Variants in FHL1 observed in about 807,000 individuals in gnomAD.
The protein encoded by FHL1 is four and a half LIM domains protein 1.
Under a neutral mutation model 20.3 loss-of-function variants are expected in FHL1, and 1 was observed. That is an observed-to-expected ratio of 0.05 (90% CI 0.02 to 0.23). The LOEUF is 0.23. Ranked by LOEUF, FHL1 falls within the 10% of genes least tolerant of loss-of-function variation. The probability of loss-of-function intolerance (pLI) is 1.00; values close to 1 mark genes in which losing one functional copy is unlikely to be tolerated. For synonymous variants in FHL1, 82 were observed against 88.9 expected, an observed-to-expected ratio of 0.92 and a Z score of 0.44; for missense variants, 177 against 234.0, an observed-to-expected ratio of 0.76 and a Z score of 1.59.
chrX:136,149,243 A>G (rs1334455798), intron 1 of FHL1, among the ~76,000 whole-genome samples: 11 of 112,216 alleles, frequency 9.8e-5, no homozygotes, highest in Non-Finnish European at 2.1e-4. Context: ...CTCATCTCCA[A>G]GAACCGGGCC....
upstream of FHL1, among the ~76,000 whole-genome samples, chrX:136,166,720 GT>G (rs1200262082): frequency 8.9e-6 from 1 of 112,478 alleles, no homozygotes; most frequent in Non-Finnish European, 1.9e-5. Context: ...ACAGATTCAG[GT>G]TTGAAGCTTA....
In FHL1 at chrX:136,161,426, G is replaced by C. The variant is rs185246051; in HGVS notation, c.-100-8481G>C. Among the ~76,000 whole-genome samples the C allele has an allele frequency of 2.4e-4, 27 of 112,356 alleles. No homozygotes were observed. The South Asian group carries it at 5.5e-3, about 23-fold the overall frequency. Reference sequence around the variant, plus strand: ...CTTGGACTGCCTGATTGTTACTGCTGCAGTGGTTTGTTGGGTATTAAATGA... The same window carrying C: ...CTTGGACTGCCTGATTGTTACTGCTCCAGTGGTTTGTTGGGTATTAAATGA... On this transcript the variant is annotated intron_variant, in intron 1 of 7. Coordinates refer to the FHL1 transcript ENST00000394155.
chrX:136,173,015 G>A (rs1180016138), intron 2 of FHL1, among the ~76,000 whole-genome samples: 1 of 112,906 alleles, frequency 8.9e-6, no homozygotes, highest in African/African-American at 3.2e-5. Context: ...TTACAGGCGT[G>A]AGCCACCATG....
At chrX:136,166,791 AATC>A (rs1278084902), upstream of FHL1, among the ~76,000 whole-genome samples, 1 of 112,598 alleles carries the variant, frequency 8.9e-6, no homozygotes, top group Admixed American at 9.4e-5. Flanking sequence ...CGGCATGTGA[AATC>A]ATTATCCACG....
chrX:136,170,569 G>A (rs936319667), intron 2 of FHL1, among the ~76,000 whole-genome samples: 3 of 111,472 alleles, frequency 2.7e-5, no homozygotes, highest in African/African-American at 6.5e-5. Flanking sequence ...CTGGATAAGC[G>A]TTCTCTGTCC....
chrX:136,171,659 C>T (rs1662528491), intron 2 of FHL1, among the ~76,000 whole-genome samples: 1 of 111,779 alleles, frequency 8.9e-6, no homozygotes, highest in Non-Finnish European at 1.9e-5. Flanking sequence ...TGATAGAAAC[C>T]ATGTGTAAAA....
chrX:136,210,320 A>G lies in FHL1; in HGVS notation c.*295A>G. On this transcript the variant is annotated 3_prime_UTR_variant, in exon 6 of 6. Coordinates refer to ENST00000370683, the MANE Select transcript of FHL1 (RefSeq NM_001159699.2). ...TTTCTCATAGAGCAGAAAAGTGCTA[A>G]TCATTTAGCCACTTAGTGATGTAAG... 1 of 430,715 alleles carries G rather than the reference A, an allele frequency of 2.3e-6. No homozygotes were observed. Among genetic ancestry groups the G allele is most frequent in the East Asian group, 4.7e-5 (1 of 21,231 alleles). The allele number at this position is 430,715 out of a possible 1,213,427, so 35.5% of individuals were successfully genotyped here. A position where few individuals can be genotyped will look rare whatever the true frequency, so the allele number is the denominator to read the frequency against.
chrX:136,195,891 G>T (rs750461475), upstream of FHL1, among the ~76,000 whole-genome samples: 4 of 111,925 alleles, frequency 3.6e-5, no homozygotes, highest in Non-Finnish European at 5.6e-5. Flanking sequence ...TTGAAGTTGA[G>T]TGGCCAAAAC....
chrX:136,209,351 G>A lies in FHL1; in HGVS notation c.737-520G>A, dbSNP rs199818971. 34 of 1,208,996 alleles carry A rather than the reference G, an allele frequency of 2.8e-5. No homozygotes were observed. Among genetic ancestry groups the A allele is most frequent in the Non-Finnish European group, 3.4e-5 (30 of 894,982 alleles). ...ACCCTGTTTCCCAGCGCCAACCTCC[G>A]GGGCAGGCATCCGGGTGGAGAGAGG... On this transcript the variant is annotated intron_variant, in intron 5 of 5. Coordinates refer to ENST00000370683, the MANE Select transcript of FHL1 (RefSeq NM_001159699.2).
intron 1 of FHL1, among the ~76,000 whole-genome samples, chrX:136,158,245 T>C (rs2072472664): frequency 1.8e-5 from 2 of 112,105 alleles, no homozygotes; most frequent in Admixed American, 1.9e-4. Flanking sequence ...AGCAAGCTTT[T>C]CATATGCTGT....
At chrX:136,207,445 C>T (rs754911572) in intron 3 of FHL1, 4 of 431,739 alleles carry the variant, frequency 9.3e-6, no homozygotes, top group Non-Finnish European at 1.6e-5. Flanking sequence ...GTAGCGCTTT[C>T]TCATTTGGGC....
chrX:136,209,559 G>A lies in FHL1; in HGVS notation c.737-312G>A, dbSNP rs764170405. 6.1e-5 allele frequency: 46 copies of A among 749,609 alleles called. No individual in the cohort carries two copies. In the African/African-American group the frequency reaches 7.0e-4, roughly 11 times the overall value. The allele number at this position is 749,609 out of a possible 1,213,427, so 61.8% of individuals were successfully genotyped here. ...CTGGGAGGTCGGTGCGCGTCACAGG[G>A]CAATAGCGTGGTGGCATGGGAACGT... On this transcript the variant is annotated intron_variant, in intron 5 of 5. Coordinates refer to ENST00000370683, the MANE Select transcript of FHL1 (RefSeq NM_001159699.2).
chrX:136,175,412 A>G (rs2072976763), intron 2 of FHL1, among the ~76,000 whole-genome samples: 1 of 112,593 alleles, frequency 8.9e-6, no homozygotes, highest in East Asian at 2.8e-4. Context: ...GTTTGGCAAT[A>G]TATGCCTAAA....
chrX:136,208,072 C>T (rs774128574), intron 4 of FHL1, 111 bp downstream of exon 4: 33 of 938,877 alleles, frequency 3.5e-5, no homozygotes, highest in East Asian at 9.3e-5. Context: ...AGCCCTGTGA[C>T]GTAGGAATTA....
chrX:136,190,793 A>C (rs893858494), intron 2 of FHL1, among the ~76,000 whole-genome samples: 1 of 112,035 alleles, frequency 8.9e-6, no homozygotes, highest in Non-Finnish European at 1.9e-5. Flanking sequence ...TTCGGAGTCC[A>C]GACACTCAGC....
At chrX:136,196,313 G>T (rs1177943331), upstream of FHL1, among the ~76,000 whole-genome samples, 1 of 111,970 alleles carries the variant, frequency 8.9e-6, no homozygotes, top group Non-Finnish European at 1.9e-5. Context: ...GACATCTGAT[G>T]GCCTGTTGAG....
chrX:136,174,617 A>G (rs2072954208), intron 2 of FHL1, among the ~76,000 whole-genome samples: 1 of 112,079 alleles, frequency 8.9e-6, no homozygotes, highest in Non-Finnish European at 1.9e-5. Flanking sequence ...AGAGATACGA[A>G]CCAGGGTATT....
At chrX:136,169,895 T>C (rs556885100) in intron 1 of FHL1, 33 of 329,752 alleles carry the variant, frequency 1.0e-4, no homozygotes, top group South Asian at 5.2e-4. Flanking sequence ...CTCATTTTTT[T>C]CCCTAACTTA....
chrX:136,175,014 G>T (rs1193324416), intron 2 of FHL1, among the ~76,000 whole-genome samples: 1 of 112,181 alleles, frequency 8.9e-6, no homozygotes, highest in Non-Finnish European at 1.9e-5. Flanking sequence ...TAATTAAAAT[G>T]AAAAAGCACA....
Sources: gnomAD v4.1 joint callset for allele counts (sites outside exome capture counted in the v4.1 genomes callset) on GRCh38, gnomAD v4.1.1 for gene constraint, MANE v1.5 for transcripts, NCBI Gene and HGNC (gene_info 2026-07-23, HGNC 2026-07-21) for gene names.